The following IRX4 variants were observed in gnomAD, a reference collection of about 807,000 sequenced individuals.
The protein encoded by IRX4 is iroquois homeobox 4.
IRX4 carries 22 observed loss-of-function variants against 32.0 expected under a neutral mutation model. The observed-to-expected ratio is 0.69, with a 90% CI of 0.49 to 0.98. The LOEUF (loss-of-function observed/expected upper bound fraction) is 0.98, where lower values mean the gene tolerates loss of function less well. IRX4 is among the 50% of genes least tolerant of loss of function. IRX4 has a pLI of 0.00. For synonymous variants in IRX4, 379 were observed against 351.7 expected, an observed-to-expected ratio of 1.08 and a Z score of -0.87; for missense variants, 840 against 744.2, an observed-to-expected ratio of 1.13 and a Z score of -1.50.
chr5:1,880,591 A>T (rs974705900), intron 3 of IRX4, 134 bp downstream of exon 3: 3 of 652,346 alleles, frequency 4.6e-6, no homozygotes, highest in Non-Finnish European at 8.2e-6. Flanking sequence ...GACTCAGGTC[A>T]TGCCTGACCT....
At chr5:1,879,230 A>G (rs1735337155) in intron 4 of IRX4, among the ~76,000 whole-genome samples, 2 of 152,024 alleles carry the variant, frequency 1.3e-5, no homozygotes, top group South Asian at 4.2e-4. Flanking sequence ...TGACCTCGTG[A>G]TCCGCCCGCC....
upstream of IRX4, chr5:1,884,036 T>C (rs1287994827): frequency 6.6e-6 from 1 of 152,278 alleles, no homozygotes; most frequent in Non-Finnish European, 1.5e-5. Context: ...ACCCCAGGAC[T>C]CCCTCGGCCA....
At chr5:1,885,817 C>T (rs112118629), upstream of IRX4, among the ~76,000 whole-genome samples, 3 of 152,388 alleles carry the variant, frequency 2.0e-5, no homozygotes, top group African/African-American at 7.2e-5. Flanking sequence ...GCGGAGGCAC[C>T]CAGTGTCCCT....
At chr5:1,886,373 C>T (rs1435444484), upstream of IRX4, among the ~76,000 whole-genome samples, 1 of 152,254 alleles carries the variant, frequency 6.6e-6, no homozygotes, top group African/African-American at 2.4e-5. Flanking sequence ...GGCCAGAGAC[C>T]TTGGGGGCGC....
In IRX4 at chr5:1,879,597, C is replaced by A; in HGVS notation, c.643G>T (p.Ala215Ser). Reference protein sequence around the residue: ...KMTWPPRNKCADEKRPYAEGE... With the variant: ...KMTWPPRNKCSDEKRPYAEGE... ...TCCGCGTAGGGCCGCTTCTCGTCTG[C>A]GCACTTGTTCCGCGGCGGCCACGTC... The change falls in exon 4 of 5, where the codon GCA (alanine) becomes TCA (serine). Residue 215 changes from alanine to serine, a missense_variant. By Grantham distance (99) the Ala-to-Ser change is moderately conservative. Coordinates refer to ENST00000231357, the MANE Select transcript of IRX4 (RefSeq NM_016358.3). The A allele has an allele frequency of 6.2e-7, 1 of 1,613,988 alleles. No individual in the cohort carries two copies. Among genetic ancestry groups the A allele is most frequent in the Non-Finnish European group, 8.5e-7 (1 of 1,180,036 alleles).
At chr5:1,881,370 G>A (rs1285865409) in intron 2 of IRX4, among the ~76,000 whole-genome samples, 1 of 143,034 alleles carries the variant, frequency 7.0e-6, no homozygotes, top group Non-Finnish European at 1.5e-5. Flanking sequence ...GGAACAAGGA[G>A]GGGGCGAAAG....
intron 4 of IRX4, 84 bp downstream of exon 4, chr5:1,879,420 C>T: frequency 6.3e-7 from 1 of 1,587,878 alleles, no homozygotes; most frequent in African/African-American, 1.3e-5. Context: ...GCGTTTGGGA[C>T]CCCCAAGACG....
At chr5:1,882,563 G>A (rs751285699) in intron 1 of IRX4, 40 bp downstream of exon 1, 4 of 1,479,550 alleles carry the variant, frequency 2.7e-6, no homozygotes, top group Non-Finnish European at 3.6e-6. Context: ...CCGCCCTACC[G>A]GCACCTGCGG....
Position 1,878,539 on chromosome 5 carries a change from C to T in IRX4, c.990G>A (p.Ala330=), listed in dbSNP as rs1017199017. 6 of 1,456,016 alleles carry T rather than the reference C, an allele frequency of 4.1e-6. No homozygotes were observed. In the Admixed American group the frequency reaches 8.1e-5, roughly 20 times the overall value. The allele number at this position is 1,456,016 out of a possible 1,614,324, so 90.2% of individuals were successfully genotyped here. ...CCGGCAGTGGCTCCGGCCCGGCCGC[C>T]GCGCTGCGGAGACAGCTCCGGGCCC... is the stretch of plus-strand genomic sequence containing the variant. ...LERARSCLRS[A]AAGPEPLPGA... Residue 330 remains alanine (A), a synonymous_variant, in exon 5 of 5, where the codon GCG becomes GCA. Transcript: ENST00000231357.
At chr5:1,884,968 G>A (rs1735581655), upstream of IRX4, among the ~76,000 whole-genome samples, 1 of 151,612 alleles carries the variant, frequency 6.6e-6, no homozygotes, top group Non-Finnish European at 1.5e-5. Flanking sequence ...AAGGAGGGGT[G>A]TGAGCCCAGC....
At chr5:1,881,053 G>A (rs1292937112) in intron 2 of IRX4, 2 of 348,450 alleles carry the variant, frequency 5.7e-6, no homozygotes, top group Non-Finnish European at 1.0e-5. Context: ...GGTGGAGCGC[G>A]GGCCGGTGGG....
At chr5:1,884,445 T>C (rs1054676168), upstream of IRX4, 19 of 152,250 alleles carry the variant, frequency 1.2e-4, no homozygotes, top group African/African-American at 4.3e-4. Flanking sequence ...GTACACATCA[T>C]ATAATATCTG....
At chr5:1,879,208 G>A (rs1689718) in intron 4 of IRX4, among the ~76,000 whole-genome samples, 1 of 151,642 alleles carries the variant, frequency 6.6e-6, no homozygotes, top group Non-Finnish European at 1.5e-5. Flanking sequence ...AGCCAGGATG[G>A]TCTCAATCTC....
rs929245790 is a variant in IRX4 at position 1,878,077 on chromosome 5, G to A, written c.1452C>T (p.Pro484=). 3.9e-6 allele frequency: 6 copies of A among 1,526,498 alleles called. No individual in the cohort carries two copies. The African/African-American group carries it at 4.2e-5, about 11-fold the overall frequency. 94.6% of individuals were successfully genotyped at this position (1,526,498 alleles called of 1,614,324 possible). ...CGGCAGGCGGAAAGGCGCGGGCCAG[G>A]GGTGCAGTCAGCACGTTCGCGCCCG... ...LGAGANVLTA[P]LARAFPPAVP... Residue 484 remains proline (P), a synonymous_variant, in exon 5 of 5, where the codon CCC becomes CCT. Transcript: ENST00000231357.
Position 1,878,547 on chromosome 5 carries a change from G to A in IRX4, c.982C>T (p.Arg328Cys), listed in dbSNP as rs769846115. 4 of 1,500,570 alleles carry A rather than the reference G, an allele frequency of 2.7e-6. No homozygotes were observed. The highest frequency in any genetic ancestry group is 2.7e-6 in the Non-Finnish European group (3 of 1,128,582). The allele number at this position is 1,500,570 out of a possible 1,614,324, so 93.0% of individuals were successfully genotyped here. A position where few individuals can be genotyped will look rare whatever the true frequency, so the allele number is the denominator to read the frequency against. ...GGCTCCGGCCCGGCCGCCGCGCTGC[G>A]GAGACAGCTCCGGGCCCTCTCCAGG... ...EDLERARSCL[R>C]SAAAGPEPLP... The change falls in exon 5 of 5, where the codon CGC (arginine) becomes TGC (cysteine). Residue 328 changes from arginine to cysteine, a missense_variant. This residue lies in a region of IRX4 where 585 missense variants were observed against 488.0 expected (regional missense o/e 1.20). Transcript: ENST00000231357.
chr5:1,878,287 C>T lies in IRX4; in HGVS notation c.1242G>A (p.Pro414=), dbSNP rs1306931783. 1.3e-6 allele frequency: 2 copies of T among 1,595,152 alleles called. No homozygotes were observed. Among genetic ancestry groups the T allele is most frequent in the East Asian group, 2.3e-5 (1 of 44,176 alleles). The change falls in exon 5 of 5, where the codon CCG becomes CCA. Residue 414 remains proline, a synonymous_variant. Coordinates refer to ENST00000231357, the MANE Select transcript of IRX4 (RefSeq NM_016358.3). The stretch of plus-strand genomic sequence containing the variant: ...CGCCAGAGTGGGGAAGGGCCACAGA[C>T]GGGGACGTGGCGGGCGCGGAGGACA... ...AAVSSAPATS[P]SVALPHSGAL...
At position 1,882,765 on chromosome 5, in the gene IRX4, G is replaced by T; in HGVS notation, c.-118C>A. The stretch of plus-strand genomic sequence containing the variant: ...TCTAGGCGCTGGGAGGGCGAAGCAG[G>T]AGAGCCGGTTAGTCCATCCCCGCGC... On this transcript the variant is annotated 5_prime_UTR_variant, in exon 1 of 5. Coordinates refer to ENST00000231357, the MANE Select transcript of IRX4 (RefSeq NM_016358.3). The T allele has an allele frequency of 1.7e-6, 1 of 592,224 alleles. No homozygotes were observed. Among genetic ancestry groups the T allele is most frequent in the South Asian group, 4.2e-5 (1 of 23,728 alleles). 36.7% of individuals were successfully genotyped at this position (592,224 alleles called of 1,614,324 possible). A position where few individuals can be genotyped will look rare whatever the true frequency, so the allele number is the denominator to read the frequency against.
chr5:1,885,710 C>T (rs940808108), upstream of IRX4, among the ~76,000 whole-genome samples: 3 of 152,200 alleles, frequency 2.0e-5, no homozygotes, highest in Non-Finnish European at 4.4e-5. Context: ...GGCCTAGGCC[C>T]GCCTGCCCAA....
chr5:1,886,424 G>C (rs1364729658), upstream of IRX4, among the ~76,000 whole-genome samples: 2 of 152,250 alleles, frequency 1.3e-5, no homozygotes, highest in African/African-American at 2.4e-5. Flanking sequence ...CTGGGGTGTG[G>C]GTTTGAGAGG....
Sources: allele counts gnomAD v4.1 joint callset (sites outside exome capture counted in the v4.1 genomes callset), GRCh38; gene constraint gnomAD v4.1.1; regional missense constraint gnomAD v4.1.1; transcripts MANE v1.5; gene names NCBI Gene and HGNC (gene_info 2026-07-23, HGNC 2026-07-21).